FGF12: variants seen among roughly 807,000 people sequenced by gnomAD.
FGF12 encodes the protein fibroblast growth factor 12B.
Under a neutral mutation model 23.6 loss-of-function variants are expected in FGF12, and 14 were observed. That is an observed-to-expected ratio of 0.59 (90% CI 0.39 to 0.93). The LOEUF is 0.93. Among genes scored for constraint, FGF12 ranks in the 40% least tolerant of loss-of-function variants. The pLI, the probability that FGF12 is intolerant of heterozygous loss-of-function variation, is 0.00. For missense variants in FGF12, 175 were observed against 217.8 expected (o/e 0.80, Z 1.24); for synonymous variants, 62 against 77.3 (o/e 0.80, Z 1.04).
At chr3:192,582,342 AG>A (rs1163547587) in intron 2 of FGF12, among the ~76,000 whole-genome samples, 4 of 152,164 alleles carry the variant, frequency 2.6e-5, no homozygotes, top group Admixed American at 2.6e-4. Flanking sequence ...TAGCCTATAA[AG>A]GAGGGGAACT....
intron 2 of FGF12, among the ~76,000 whole-genome samples, chr3:192,587,721 TGA>T (rs530240089): frequency 5.2e-4 from 79 of 151,992 alleles, no homozygotes; most frequent in African/African-American, 1.7e-3. Context: ...CTTGAAAGGC[TGA>T]GGCAGGAGAA....
intron 2 of FGF12, among the ~76,000 whole-genome samples, chr3:192,716,348 C>G (rs1185586911): frequency 1.3e-5 from 2 of 152,140 alleles, no homozygotes; most frequent in Admixed American, 1.3e-4. Flanking sequence ...TAGTCAGGTT[C>G]TTTCTTCTGA....
intron 4 of FGF12, among the ~76,000 whole-genome samples, chr3:192,299,644 T>C (rs1425497379): frequency 6.6e-6 from 1 of 152,172 alleles, no homozygotes; most frequent in Non-Finnish European, 1.5e-5. Context: ...ATAGTGTTGT[T>C]CCCAAAAGAA....
intron 2 of FGF12, among the ~76,000 whole-genome samples, chr3:192,381,848 G>T (rs1162733178): frequency 6.6e-6 from 1 of 152,166 alleles, no homozygotes; most frequent in Non-Finnish European, 1.5e-5. Context: ...TCTGGACAGT[G>T]GCCCAAAGAG....
At chr3:192,217,333 T>G (rs923491958) in intron 4 of FGF12, among the ~76,000 whole-genome samples, 1 of 152,324 alleles carries the variant, frequency 6.6e-6, no homozygotes, top group Admixed American at 6.5e-5. Context: ...ACTGAATAAG[T>G]ACTTTTTCCA....
At position 192,216,485 on chromosome 3, in the gene FGF12, T is replaced by A. The variant is rs1718199587; in HGVS notation, c.229-45829A>T. Among the ~76,000 whole-genome samples the A allele has an allele frequency of 2.0e-5, 3 of 152,220 alleles. 1 individual carries two copies. In the South Asian group the frequency reaches 6.2e-4, roughly 31 times the overall value. ...ATCGTTCCATCAAATGAAATACATATCATAAAATTTGTATGTGCTAAAAAA... is the reference window on the plus strand; with the variant it reads ...ATCGTTCCATCAAATGAAATACATAACATAAAATTTGTATGTGCTAAAAAA... On this transcript the variant is annotated intron_variant, in intron 4 of 5. Transcript: ENST00000445105.
chr3:192,438,972 A>C (rs1221368413), intron 2 of FGF12, among the ~76,000 whole-genome samples: 1 of 152,158 alleles, frequency 6.6e-6, no homozygotes, highest in African/African-American at 2.4e-5. Context: ...CTTGTCCTGA[A>C]CTGCAACGCT....
At chr3:192,284,576 T>G (rs1560051562) in intron 4 of FGF12, among the ~76,000 whole-genome samples, 1 of 152,080 alleles carries the variant, frequency 6.6e-6, no homozygotes, top group Admixed American at 6.6e-5. Context: ...TATTGATCTA[T>G]TTGATTTTTG....
intron 4 of FGF12, among the ~76,000 whole-genome samples, chr3:192,218,064 C>T (rs1718285069): frequency 6.6e-6 from 1 of 152,154 alleles, no homozygotes; most frequent in African/African-American, 2.4e-5. Flanking sequence ...CTCGAACTCC[C>T]AACCTCAGGT....
intron 2 of FGF12, among the ~76,000 whole-genome samples, chr3:192,639,774 T>C (rs1349991707): frequency 1.3e-5 from 2 of 152,224 alleles, no homozygotes; most frequent in African/African-American, 4.8e-5. Context: ...ACAAGTAATG[T>C]AGATCTTATG....
Position 192,341,290 on chromosome 3 carries a change from G to A in FGF12, c.125-5826C>T, listed in dbSNP as rs1381321779. 3.3e-5 allele frequency among the ~76,000 whole-genome samples: 5 copies of A among 151,926 alleles called. No homozygotes were observed. In the East Asian group the frequency reaches 9.7e-4, roughly 29 times the overall value. On this transcript the variant is annotated intron_variant, in intron 3 of 5. Transcript: ENST00000445105. ...ACTTCCAAGTTATAAAATATTAAAG[G>A]ATCACTTTGATTAATCATGCTACAG...
At chr3:192,277,722 C>T (rs1289088789) in intron 4 of FGF12, among the ~76,000 whole-genome samples, 1 of 152,144 alleles carries the variant, frequency 6.6e-6, no homozygotes, top group African/African-American at 2.4e-5. Flanking sequence ...GAGGATCTGG[C>T]TGTCACAGTC....
chr3:192,526,969 A>C (rs1367526167), intron 2 of FGF12, among the ~76,000 whole-genome samples: 3 of 152,222 alleles, frequency 2.0e-5, no homozygotes, highest in South Asian at 2.1e-4. Flanking sequence ...AAGCCAGGAG[A>C]AAAGGAGCCT....
At chr3:192,388,261 C>A (rs968180029) in intron 2 of FGF12, among the ~76,000 whole-genome samples, 4 of 151,922 alleles carry the variant, frequency 2.6e-5, no homozygotes, top group Non-Finnish European at 5.9e-5. Context: ...AAGACCCTAT[C>A]TAAAAAAATA....
chr3:192,194,880 C>T (rs1197617903), intron 4 of FGF12, among the ~76,000 whole-genome samples: 1 of 152,126 alleles, frequency 6.6e-6, no homozygotes, highest in East Asian at 1.9e-4. Flanking sequence ...AATGTTAAGG[C>T]TTAATTTAAC....
intron 5 of FGF12, among the ~76,000 whole-genome samples, chr3:192,148,075 G>A (rs1452003021): frequency 2.6e-5 from 4 of 152,046 alleles, no homozygotes; most frequent in Admixed American, 6.6e-5. Context: ...AATTAAATAC[G>A]GATGTACCAT....
intron 2 of FGF12, among the ~76,000 whole-genome samples, chr3:192,457,762 T>C (rs1329278900): frequency 6.6e-6 from 1 of 152,076 alleles, no homozygotes; most frequent in Admixed American, 6.5e-5. Flanking sequence ...CTGCAGAAAT[T>C]TGAATAAGTA....
At chr3:192,593,312 C>A (rs78588423) in intron 2 of FGF12, among the ~76,000 whole-genome samples, 3,466 of 151,880 alleles carry the variant, frequency 0.023, 98 homozygotes, top group African/African-American at 0.06. Flanking sequence ...TGCCATGCAC[C>A]TGCGTGACCC....
chr3:192,476,800 G>C (rs1288841238), intron 2 of FGF12, among the ~76,000 whole-genome samples: 1 of 152,188 alleles, frequency 6.6e-6, no homozygotes, highest in Non-Finnish European at 1.5e-5. Context: ...TTGTAAATGA[G>C]TTTGGATGAT....
Sources: gnomAD v4.1 joint callset for allele counts (sites outside exome capture counted in the v4.1 genomes callset) on GRCh38, gnomAD v4.1.1 for gene constraint, MANE v1.5 for transcripts, NCBI Gene and HGNC (gene_info 2026-07-23, HGNC 2026-07-21) for gene names.